Variants in PDGFC observed in about 807,000 individuals in gnomAD.
The protein encoded by PDGFC is platelet-derived growth factor C.
PDGFC carries 12 observed loss-of-function variants against 35.5 expected under a neutral mutation model. The observed-to-expected ratio is 0.34, with a 90% CI of 0.22 to 0.55. The LOEUF is 0.55. Ranked by LOEUF, PDGFC falls within the 20% of genes least tolerant of loss-of-function variation. The probability of loss-of-function intolerance (pLI) is 0.91; values close to 1 mark genes in which losing one functional copy is unlikely to be tolerated. For synonymous variants in PDGFC, 159 were observed against 148.8 expected (o/e 1.07, Z -0.50); for missense variants, 322 against 412.4 (o/e 0.78, Z 1.90).
chr4:156,833,249 T>C (rs1377925955), intron 2 of PDGFC, among the ~76,000 whole-genome samples: 1 of 152,216 alleles, frequency 6.6e-6, no homozygotes, highest in Non-Finnish European at 1.5e-5. Context: ...TATCTCCGGC[T>C]AGTTAAAAGG....
At chr4:156,855,051 G>C (rs1729541273) in intron 1 of PDGFC, among the ~76,000 whole-genome samples, 1 of 152,010 alleles carries the variant, frequency 6.6e-6, no homozygotes, top group African/African-American at 2.4e-5. Flanking sequence ...GAAAAGAAGA[G>C]AGACTAATAA....
chr4:156,795,811 C>G (rs1206979096), intron 3 of PDGFC, among the ~76,000 whole-genome samples: 2 of 152,104 alleles, frequency 1.3e-5, no homozygotes, highest in African/African-American at 4.8e-5. Context: ...TTTAGCTGCA[C>G]TACAGTCATC....
intron 4 of PDGFC, 95 bp from the exon 5 acceptor site, chr4:156,768,085 T>C: frequency 1.3e-6 from 1 of 770,222 alleles, no homozygotes; most frequent in Admixed American, 2.1e-5. Flanking sequence ...AATCTTACGT[T>C]ATTTCATGAA....
chr4:156,826,173 G>GTTTTTTT (rs1732467004), intron 2 of PDGFC, among the ~76,000 whole-genome samples: 1 of 75,960 alleles, frequency 1.3e-5, no homozygotes, highest in African/African-American at 5.1e-5. Flanking sequence ...CTTTGAGTTG[G>GTTTTTTT]ATTTTTTTTT....
At chr4:156,947,758 A>T (rs1731980983) in intron 1 of PDGFC, among the ~76,000 whole-genome samples, 1 of 151,992 alleles carries the variant, frequency 6.6e-6, no homozygotes, top group Non-Finnish European at 1.5e-5. Context: ...TTCTTCCAAA[A>T]ACTAAATAAT....
At chr4:156,902,439 A>C (rs1730811751) in intron 1 of PDGFC, among the ~76,000 whole-genome samples, 1 of 152,036 alleles carries the variant, frequency 6.6e-6, no homozygotes, top group Admixed American at 6.6e-5. Context: ...TTTGTCTTGA[A>C]TCTCGTTTTA....
At chr4:156,945,371 A>G (rs1174734073) in intron 1 of PDGFC, among the ~76,000 whole-genome samples, 5 of 123,504 alleles carry the variant, frequency 4.0e-5, no homozygotes, top group South Asian at 4.9e-4. Context: ...ATATATATAT[A>G]TATATATATA....
chr4:156,881,869 CTCTG>C, intron 1 of PDGFC, among the ~76,000 whole-genome samples: 1 of 151,288 alleles, frequency 6.6e-6, no homozygotes, highest in Non-Finnish European at 1.5e-5. Flanking sequence ...TACATAAGCT[CTCTG>C]TCTCTTTGCT....
At chr4:156,941,659 C>T (rs1275796978) in intron 1 of PDGFC, among the ~76,000 whole-genome samples, 1 of 152,152 alleles carries the variant, frequency 6.6e-6, no homozygotes, top group Non-Finnish European at 1.5e-5. Flanking sequence ...ACTACCCACT[C>T]ATGATCCTTC....
At chr4:156,859,134 T>C (rs981512624) in intron 1 of PDGFC, among the ~76,000 whole-genome samples, 1 of 152,110 alleles carries the variant, frequency 6.6e-6, no homozygotes, top group Admixed American at 6.6e-5. Flanking sequence ...CTTAAAATTC[T>C]CTTTTTAAGC....
At chr4:156,880,557 C>G (rs1282002362) in intron 1 of PDGFC, among the ~76,000 whole-genome samples, 1 of 152,172 alleles carries the variant, frequency 6.6e-6, no homozygotes, top group African/African-American at 2.4e-5. Context: ...GCTAACACAA[C>G]AACCATTCTG....
rs1405313912 is a variant in PDGFC at position 156,888,804 on chromosome 4, T to C, written c.119-38388A>G. Among the ~76,000 whole-genome samples the C allele has an allele frequency of 3.9e-5, 6 of 152,180 alleles. No individual in the cohort carries two copies. In the South Asian group the frequency reaches 1.0e-3, roughly 26 times the overall value. ...GGTGTGCAAACCTTCAGTAATTCTC[T>C]ACACTAAACATTCATAATATGGTGG... On this transcript the variant is annotated intron_variant, in intron 1 of 5. Coordinates refer to ENST00000502773, the MANE Select transcript of PDGFC (RefSeq NM_016205.3).
At chr4:156,869,247 C>G (rs890403526) in intron 1 of PDGFC, among the ~76,000 whole-genome samples, 2 of 151,986 alleles carry the variant, frequency 1.3e-5, no homozygotes, top group African/African-American at 2.4e-5. Flanking sequence ...TCCTGGCTAA[C>G]AGGGTGGTCT....
chr4:156,881,296 G>A (rs996780097), intron 1 of PDGFC, among the ~76,000 whole-genome samples: 2 of 152,058 alleles, frequency 1.3e-5, no homozygotes, highest in African/African-American at 2.4e-5. Flanking sequence ...TTTACTTAAG[G>A]TATGTACATT....
intron 3 of PDGFC, among the ~76,000 whole-genome samples, chr4:156,789,962 G>A (rs1731246226): frequency 2.3e-5 from 3 of 130,590 alleles, no homozygotes; most frequent in Middle Eastern, 8.9e-3. Context: ...GGATGACAGA[G>A]TGAGTCTCCA....
chr4:156,783,059 T>A (rs1400147873), intron 3 of PDGFC, among the ~76,000 whole-genome samples: 1 of 151,948 alleles, frequency 6.6e-6, no homozygotes, highest in Non-Finnish European at 1.5e-5. Flanking sequence ...AAAGTTAATC[T>A]AGAGCTTAGA....
intron 2 of PDGFC, 64 bp from the exon 3 acceptor site, chr4:156,811,081 T>C: frequency 8.9e-7 from 1 of 1,117,432 alleles, no homozygotes; most frequent in Non-Finnish European, 1.3e-6. Context: ...ATTACAAGTT[T>C]CATGTCTGTG....
intron 1 of PDGFC, among the ~76,000 whole-genome samples, chr4:156,945,377 AT>A (rs1731920928): frequency 8.1e-6 from 1 of 123,828 alleles, no homozygotes; most frequent in Non-Finnish European, 1.7e-5. Flanking sequence ...ATATATATAT[AT>A]ATATATATAT....
chr4:156,937,252 C>T (rs1731704941), intron 1 of PDGFC, among the ~76,000 whole-genome samples: 1 of 152,088 alleles, frequency 6.6e-6, no homozygotes, highest in East Asian at 1.9e-4. Flanking sequence ...AGCATTGATT[C>T]TTGTTTCTCA....
Sources: allele counts gnomAD v4.1 joint callset (sites outside exome capture counted in the v4.1 genomes callset), GRCh38; gene constraint gnomAD v4.1.1; transcripts MANE v1.5; gene names NCBI Gene and HGNC (gene_info 2026-07-23, HGNC 2026-07-21).